ANK2: variants seen among roughly 807,000 people sequenced by gnomAD.
The protein encoded by ANK2 is ankyrin-2.
ANK2 carries 83 observed loss-of-function variants against 360.5 expected under a neutral mutation model. The ratio of observed to expected loss-of-function variants is 0.23; its 90% confidence interval spans 0.19 to 0.28. ANK2 has a LOEUF of 0.28. ANK2 is among the 10% of genes least tolerant of loss of function. The pLI is 1.00. For synonymous variants in ANK2, 1,740 were observed against 1,759.5 expected, an observed-to-expected ratio of 0.99 and a Z score of 0.28; for missense variants, 4,201 against 4,795.7, an observed-to-expected ratio of 0.88 and a Z score of 3.66.
At chr4:113,174,624 G>A (rs1407141854) in intron 2 of ANK2, 107 bp downstream of exon 2, 2 of 917,116 alleles carry the variant, frequency 2.2e-6, no homozygotes, top group African/African-American at 3.4e-5. Context: ...AAATATCAGT[G>A]ACTCAGACTT....
At position 112,840,346 on chromosome 4, in the gene ANK2, A is replaced by G. The variant is rs532111712; in HGVS notation, c.-40+22082A>G. Among the ~76,000 whole-genome samples the G allele has an allele frequency of 1.6e-4, 24 of 152,312 alleles. No individual in the cohort carries two copies. In the South Asian group the frequency reaches 2.5e-3, roughly 16 times the overall value. ...CAGAGAGAGCTTCCATTCAGCTTTG[A>G]TATTTCTGGGAGTTTCCTCAGAAGG... On this transcript the variant is annotated intron_variant, in intron 1 of 30. Coordinates refer to the ANK2 transcript ENST00000503271.
the ANK2 span, among the ~76,000 whole-genome samples, chr4:112,759,158 CAG>C: frequency 2.0e-5 from 3 of 152,030 alleles, no homozygotes; most frequent in South Asian, 4.2e-4. Context: ...TTTTAAGAGA[CAG>C]GGTCTCGCTC....
chr4:113,334,240 G>A (rs528881843), intron 29 of ANK2, among the ~76,000 whole-genome samples: 2 of 152,260 alleles, frequency 1.3e-5, no homozygotes, highest in African/African-American at 4.8e-5. Flanking sequence ...AGGGGTGGAT[G>A]GAGGAAGAAA....
intron 31 of ANK2, 83 bp from the exon 32 acceptor site, chr4:113,339,143 G>A: frequency 2.5e-6 from 3 of 1,205,710 alleles, no homozygotes; most frequent in Non-Finnish European, 3.7e-6. Flanking sequence ...TTTGGCTTGT[G>A]AACACAGAAC....
chr4:113,102,284 C>T (rs1200859480), intron 1 of ANK2, among the ~76,000 whole-genome samples: 1 of 152,026 alleles, frequency 6.6e-6, no homozygotes, highest in South Asian at 2.1e-4. Flanking sequence ...GTGGACAACT[C>T]CCAGGTGTTT....
intron 43 of ANK2, chr4:113,372,419 A>G (rs1564175121): frequency 1.4e-5 from 9 of 661,180 alleles, no homozygotes; most frequent in Admixed American, 8.6e-5. Flanking sequence ...CAACTTGTCC[A>G]TCAAAGCCTC....
intron 2 of ANK2, among the ~76,000 whole-genome samples, chr4:112,913,693 G>A (rs898423151): frequency 6.6e-6 from 1 of 152,054 alleles, no homozygotes; most frequent in African/African-American, 2.4e-5. Flanking sequence ...AAACTTGTTA[G>A]ATATGCATCA....
In ANK2 at chr4:113,009,925, T is replaced by TACACACACACACACACACAC. The variant is rs3028929; in HGVS notation, c.21+105414_21+105433dup. Among the ~76,000 whole-genome samples, 270 of 149,634 alleles carry TACACACACACACACACACAC rather than the reference T, an allele frequency of 1.8e-3. 1 individual carries two copies. The highest frequency in any genetic ancestry group is 6.3e-3 in the African/African-American group (258 of 40,712). ...TTTCCTAAGGCCCCATTGTTGAGAG[T>TACACACACACACACACACAC]ACACACACACACACACACACACTCA... is the stretch of plus-strand genomic sequence containing the variant. On this transcript the variant is annotated intron_variant, in intron 2 of 30. Transcript: ENST00000503271.
At chr4:112,874,227 G>T (rs892482040) in intron 1 of ANK2, among the ~76,000 whole-genome samples, 3 of 150,566 alleles carry the variant, frequency 2.0e-5, no homozygotes, top group African/African-American at 7.3e-5. Flanking sequence ...GATTACAGGC[G>T]CCTGCCACCA....
the ANK2 span, among the ~76,000 whole-genome samples, chr4:112,767,714 G>A: frequency 6.6e-6 from 1 of 152,140 alleles, no homozygotes; most frequent in South Asian, 2.1e-4. Flanking sequence ...TATATGTTAT[G>A]AGTATGTAGC....
chr4:113,330,350 C>T lies in ANK2; in HGVS notation c.3005C>T (p.Thr1002Met), dbSNP rs575960435. ...IIPPRKCTAP[T>M]RVTCRLVKRH... ...CCACCTCGGAAATGTACTGCTCCAA[C>T]GCGAGTCACCTGCCGACTGGTCAAG... is the stretch of plus-strand genomic sequence containing the variant. Residue 1002 changes from threonine to methionine, a missense_variant, in exon 27 of 46, where the codon ACG becomes ATG. Physicochemically the swap from Thr to Met is moderately conservative, Grantham distance 81. Coordinates refer to ENST00000357077, the MANE Select transcript of ANK2 (RefSeq NM_001148.6). 11 of 1,614,216 alleles carry T rather than the reference C, an allele frequency of 6.8e-6. No individual in the cohort carries two copies. The highest frequency in any genetic ancestry group is 2.2e-5 in the East Asian group (1 of 44,882).
intron 9 of ANK2, among the ~76,000 whole-genome samples, chr4:113,248,316 G>A (rs753206039): frequency 8.5e-5 from 13 of 152,106 alleles, no homozygotes; most frequent in Non-Finnish European, 1.3e-4. Flanking sequence ...TAGTAACAGC[G>A]GGACTCAATA....
At chr4:112,904,530 T>A in intron 2 of ANK2, 1 of 1,468,036 alleles carries the variant, frequency 6.8e-7, no homozygotes. Context: ...TTTGGTATTT[T>A]AAATATTACT....
intron 2 of ANK2, among the ~76,000 whole-genome samples, chr4:112,922,062 T>C (rs192348940): frequency 6.8e-4 from 104 of 152,340 alleles, no homozygotes; most frequent in African/African-American, 2.4e-3. Context: ...GATTCAAATA[T>C]TGTAATTCTT....
At chr4:113,024,056 C>A (rs1454302916) in intron 2 of ANK2, among the ~76,000 whole-genome samples, 1 of 152,046 alleles carries the variant, frequency 6.6e-6, no homozygotes, top group African/African-American at 2.4e-5. Flanking sequence ...TCAATTTAAA[C>A]CTTCCATTAT....
intron 2 of ANK2, among the ~76,000 whole-genome samples, chr4:112,934,376 A>G (rs1263079583): frequency 6.6e-6 from 1 of 152,188 alleles, no homozygotes; most frequent in South Asian, 2.1e-4. Context: ...CTGTGGCTTC[A>G]TGAGTCCCTG....
At position 113,067,134 on chromosome 4, in the gene ANK2, C is replaced by T. The variant is rs905803985; in HGVS notation, c.84+17322C>T. On this transcript the variant is annotated intron_variant, in intron 1 of 45. Transcript: ENST00000357077. ...GGCTTAAAAAAGTGGGAAAACATGG[C>T]GAGATGTTTTTTTGTCACTCTGGAG... Among the ~76,000 whole-genome samples, 18 of 42,434 alleles carry T rather than the reference C, an allele frequency of 4.2e-4. No individual in the cohort carries two copies. The Admixed American group carries it at 4.5e-3, about 11-fold the overall frequency. 27.8% of individuals were successfully genotyped at this position (42,434 alleles called of 152,430 possible). A position where few individuals can be genotyped will look rare whatever the true frequency, so the allele number is the denominator to read the frequency against.
chr4:112,895,924 C>T (rs543532498), intron 1 of ANK2, among the ~76,000 whole-genome samples: 2 of 152,346 alleles, frequency 1.3e-5, no homozygotes, highest in South Asian at 4.1e-4. Flanking sequence ...GTCTGTGATT[C>T]AGCGTTGCTG....
At chr4:113,293,611 T>C (rs1410818005) in intron 22 of ANK2, 73 bp downstream of exon 22, 27 of 1,386,546 alleles carry the variant, frequency 1.9e-5, no homozygotes, top group African/African-American at 5.7e-5. Flanking sequence ...TACAGTACTT[T>C]TTCACTCACA....
Sources: allele counts gnomAD v4.1 joint callset (sites outside exome capture counted in the v4.1 genomes callset), GRCh38; gene constraint gnomAD v4.1.1; transcripts MANE v1.5; gene names NCBI Gene and HGNC (gene_info 2026-07-23, HGNC 2026-07-21).